The following EPB41L4A variants were observed in gnomAD, a reference collection of about 807,000 sequenced individuals.
EPB41L4A encodes the protein band 4.1-like protein 4A.
A neutral mutation model predicts 108.6 loss-of-function variants in EPB41L4A; 100 were observed. The ratio of observed to expected loss-of-function variants is 0.92; its 90% CI spans 0.78 to 1.09. The LOEUF (loss-of-function observed/expected upper bound fraction) is 1.09, where lower values mean the gene tolerates loss of function less well. EPB41L4A is among the 50% of genes least tolerant of loss of function. The probability of loss-of-function intolerance (pLI) is 0.00; values close to 1 mark genes in which losing one functional copy is unlikely to be tolerated. For synonymous variants in EPB41L4A, 319 were observed against 289.0 expected (o/e 1.10, Z -1.05); for missense variants, 1,030 against 842.7 (o/e 1.22, Z -2.75).
intron 1 of EPB41L4A, among the ~76,000 whole-genome samples, chr5:112,387,484 C>T (rs916057211): frequency 1.6e-4 from 24 of 152,108 alleles, no homozygotes; most frequent in African/African-American, 5.6e-4. Context: ...AAAAAATTAG[C>T]CAGGCATGGT....
chr5:112,375,334 CAT>C (rs879725250), intron 1 of EPB41L4A, among the ~76,000 whole-genome samples: 2,455 of 148,596 alleles, frequency 0.017, 28 homozygotes, highest in South Asian at 0.039. Context: ...CACACACACA[CAT>C]ACACACACAC....
chr5:112,408,068 T>C (rs1441068244), intron 1 of EPB41L4A, among the ~76,000 whole-genome samples: 3 of 152,206 alleles, frequency 2.0e-5, no homozygotes, highest in African/African-American at 7.2e-5. Context: ...GTCATGTAGA[T>C]CAATGGGATA....
chr5:112,329,657 T>C (rs747167271), intron 1 of EPB41L4A, among the ~76,000 whole-genome samples: 1 of 152,200 alleles, frequency 6.6e-6, no homozygotes, highest in Non-Finnish European at 1.5e-5. Flanking sequence ...CTTTCTGATT[T>C]TATCTGTTCA....
rs189448712 is a variant in EPB41L4A at position 112,272,888 on chromosome 5, G to A, written c.335+2438C>T. Among the ~76,000 whole-genome samples the A allele has an allele frequency of 2.6e-3, 392 of 151,704 alleles. 2 individuals are homozygous for A. The highest frequency in any genetic ancestry group is 9.1e-3 in the African/African-American group (376 of 41,354). On this transcript the variant is annotated intron_variant, in intron 4 of 22. Transcript: ENST00000261486. ...TACATAAAAGATTATGTATAAGCACGTTTATGATAGCATGATCATTCATAC... is the reference window on the plus strand; with the variant it reads ...TACATAAAAGATTATGTATAAGCACATTTATGATAGCATGATCATTCATAC...
At chr5:112,173,380 T>G (rs544242012) in intron 18 of EPB41L4A, among the ~76,000 whole-genome samples, 75 of 152,126 alleles carry the variant, frequency 4.9e-4, no homozygotes, top group Non-Finnish European at 8.4e-4. Context: ...TGGTGAGAGA[T>G]AGTGACTATG....
chr5:112,326,815 T>C (rs903881189), intron 1 of EPB41L4A, among the ~76,000 whole-genome samples: 73 of 152,192 alleles, frequency 4.8e-4, no homozygotes, highest in African/African-American at 1.7e-3. Context: ...ATCTACACCA[T>C]GTAACTTCTA....
chr5:112,226,291 A>G (rs1190017388), intron 12 of EPB41L4A, among the ~76,000 whole-genome samples: 1 of 152,202 alleles, frequency 6.6e-6, no homozygotes, highest in Non-Finnish European at 1.5e-5. Flanking sequence ...ATTTGATCTA[A>G]TATCTTCCTG....
At chr5:112,202,976 G>A (rs1448982716) in intron 15 of EPB41L4A, among the ~76,000 whole-genome samples, 1 of 151,966 alleles carries the variant, frequency 6.6e-6, no homozygotes, top group Non-Finnish European at 1.5e-5. Flanking sequence ...ACTGAGGTGG[G>A]AGGACTGCTT....
chr5:112,361,952 T>C (rs1211905410), intron 1 of EPB41L4A, among the ~76,000 whole-genome samples: 1 of 152,172 alleles, frequency 6.6e-6, no homozygotes, highest in Non-Finnish European at 1.5e-5. Context: ...AAGTCTTATG[T>C]TAGCCTTTTT....
At chr5:112,361,845 C>A (rs1037839882) in intron 1 of EPB41L4A, among the ~76,000 whole-genome samples, 5 of 152,108 alleles carry the variant, frequency 3.3e-5, no homozygotes, top group African/African-American at 1.2e-4. Context: ...CATGATCATG[C>A]CACTGCCTTC....
At chr5:112,405,415 GT>G (rs1462953810) in intron 1 of EPB41L4A, among the ~76,000 whole-genome samples, 1 of 152,160 alleles carries the variant, frequency 6.6e-6, no homozygotes, top group Non-Finnish European at 1.5e-5. Context: ...ATAAATACTG[GT>G]TCTTTTAAAG....
At chr5:112,156,194 C>T (rs1228066430) in intron 12 of EPB41L4A, among the ~76,000 whole-genome samples, 1 of 151,662 alleles carries the variant, frequency 6.6e-6, no homozygotes, top group Non-Finnish European at 1.5e-5. Context: ...TTAAAAAAAA[C>T]TATTAGCAAT....
At chr5:112,338,582 G>C (rs574012284) in intron 1 of EPB41L4A, among the ~76,000 whole-genome samples, 1 of 145,194 alleles carries the variant, frequency 6.9e-6, no homozygotes, top group Non-Finnish European at 1.5e-5. Context: ...CTCTACCAGC[G>C]TATATAAAAA....
chr5:112,389,608 A>G (rs1235728851), intron 1 of EPB41L4A, among the ~76,000 whole-genome samples: 1 of 152,206 alleles, frequency 6.6e-6, no homozygotes, highest in African/African-American at 2.4e-5. Flanking sequence ...TTACAAGGAA[A>G]GTAACTTTGA....
intron 2 of EPB41L4A, among the ~76,000 whole-genome samples, chr5:112,281,951 T>C (rs1752989442): frequency 6.6e-6 from 1 of 152,040 alleles, no homozygotes; most frequent in African/African-American, 2.4e-5. Context: ...TTTGACTTTT[T>C]TTTAAAAAAA....
At chr5:112,144,606 T>C (rs1012028265) in intron 13 of EPB41L4A, among the ~76,000 whole-genome samples, 20 of 152,292 alleles carry the variant, frequency 1.3e-4, no homozygotes, top group Non-Finnish European at 2.4e-4. Flanking sequence ...TTAGAGGCTT[T>C]ACTGGCCATG....
At chr5:112,214,438 T>A (rs6873658) in intron 12 of EPB41L4A, among the ~76,000 whole-genome samples, 1 of 152,038 alleles carries the variant, frequency 6.6e-6, no homozygotes, top group Non-Finnish European at 1.5e-5. Flanking sequence ...CAAATAATCA[T>A]ACAGTAAACC....
chr5:112,381,469 G>C (rs181394878), intron 1 of EPB41L4A, among the ~76,000 whole-genome samples: 55 of 152,356 alleles, frequency 3.6e-4, no homozygotes, highest in Non-Finnish European at 5.7e-4. Flanking sequence ...TTTGAACCAA[G>C]ATCTGTTTAT....
At chr5:112,241,814 T>A (rs4485968) in intron 9 of EPB41L4A, among the ~76,000 whole-genome samples, 11,465 of 152,264 alleles carry the variant, frequency 0.075, 502 homozygotes, top group African/African-American at 0.099. Context: ...AGCTGCAGAC[T>A]ACTGCAATAA....
Sources: allele counts gnomAD v4.1 joint callset (sites outside exome capture counted in the v4.1 genomes callset), GRCh38; gene constraint gnomAD v4.1.1; transcripts MANE v1.5; gene names NCBI Gene and HGNC (gene_info 2026-07-23, HGNC 2026-07-21).